Variants in KIN observed in about 807,000 individuals in gnomAD.
The protein encoded by KIN is Kin17 DNA and RNA binding protein, also known as DNA/RNA-binding protein KIN17.
A neutral mutation model predicts 63.0 loss-of-function variants in KIN; 47 were observed. The ratio of observed to expected loss-of-function variants is 0.75; its 90% CI spans 0.59 to 0.95. KIN has a LOEUF of 0.95. Among genes scored for constraint, KIN ranks in the 40% least tolerant of loss-of-function variants. KIN has a pLI of 0.00. For missense variants in KIN, 408 were observed against 460.9 expected, an observed-to-expected ratio of 0.89 and a Z score of 1.05; for synonymous variants, 160 against 157.7, an observed-to-expected ratio of 1.01 and a Z score of -0.11.
chr10:7,758,270 A>C (rs926811628), intron 12 of KIN, among the ~76,000 whole-genome samples: 2 of 152,102 alleles, frequency 1.3e-5, no homozygotes, highest in Non-Finnish European at 2.9e-5. Context: ...GGGTTTCTCC[A>C]TGTTGGCCGG....
chr10:7,780,081 ATCAG>A lies in KIN; in HGVS notation c.347_350del (p.Thr116IlefsTer26). On this transcript the variant is annotated frameshift_variant, in exon 4 of 13. Transcript: ENST00000379562. LOFTEE classifies it high-confidence loss of function. ...CTTCTCTGCCCAGCCACTTAGTAAA[ATCAG>A]TCAGAGTTTCCCACTGAGTGGCATT... 1.2e-6 allele frequency: 2 copies of A among 1,611,954 alleles called. No individual in the cohort carries two copies. Among genetic ancestry groups the A allele is most frequent in the Non-Finnish European group, 8.5e-7 (1 of 1,179,188 alleles).
chr10:7,780,306 C>G lies in KIN; in HGVS notation c.211G>C (p.Glu71Gln). Residue 71 changes from glutamate to glutamine, a missense_variant and splice_region_variant, in exon 3 of 13, where the codon GAA (glutamate) becomes CAA (glutamine). Coordinates refer to ENST00000379562, the MANE Select transcript of KIN (RefSeq NM_012311.4). ...AGTTCTAGAAAGTCATTTCGGAATT[C>G]CCTAATAAAGAAAGAAAGGAAAGCA... ...PQQFMDYFSE[E>Q]FRNDFLELLR... is the part of the protein sequence containing the mutation. The G allele has an allele frequency of 6.2e-7, 1 of 1,601,934 alleles. No homozygotes were observed. Among genetic ancestry groups the G allele is most frequent in the Non-Finnish European group, 8.5e-7 (1 of 1,175,184 alleles).
At chr10:7,773,768 A>G (rs1414161543) in intron 7 of KIN, among the ~76,000 whole-genome samples, 3 of 152,230 alleles carry the variant, frequency 2.0e-5, no homozygotes, top group Non-Finnish European at 4.4e-5. Context: ...TAAGTAAAAT[A>G]GAAAATATCA....
intron 1 of KIN, among the ~76,000 whole-genome samples, chr10:7,787,261 T>C (rs1836038823): frequency 6.6e-6 from 1 of 152,246 alleles, no homozygotes; most frequent in Admixed American, 6.5e-5. Flanking sequence ...TAAGTGGCCC[T>C]GCTTGACTTT....
chr10:7,775,192 C>G (rs1057070536), intron 6 of KIN, among the ~76,000 whole-genome samples: 1 of 152,206 alleles, frequency 6.6e-6, no homozygotes, highest in African/African-American at 2.4e-5. Context: ...CGCCTCTTGC[C>G]TGTGGCTCAG....
rs546963893 is a variant in KIN at position 7,753,742 on chromosome 10, A to G, written c.*2338T>C. 1 of 174,614 alleles carries G rather than the reference A, an allele frequency of 5.7e-6. No homozygotes were observed. The highest frequency in any genetic ancestry group is 1.7e-4 in the East Asian group (1 of 5,824). 10.8% of individuals were successfully genotyped at this position (174,614 alleles called of 1,614,324 possible). A position where few individuals can be genotyped will look rare whatever the true frequency, so the allele number is the denominator to read the frequency against. On this transcript the variant is annotated 3_prime_UTR_variant, in exon 13 of 13. Transcript: ENST00000379562. ...CACACCCAAAACCCAGTTGCTTTCCATAATGTGCTGTCAGGTTACTTTGGA... is the reference window on the plus strand; with the variant it reads ...CACACCCAAAACCCAGTTGCTTTCCGTAATGTGCTGTCAGGTTACTTTGGA...
At position 7,766,317 on chromosome 10, in the gene KIN, A is replaced by G. The variant is rs185806748; in HGVS notation, c.799-214T>C. The G allele has an allele frequency of 3.6e-4, 154 of 432,402 alleles. 1 individual carries two copies. The highest frequency in any genetic ancestry group is 7.7e-4 in the South Asian group (20 of 25,816). 26.8% of individuals were successfully genotyped at this position (432,402 alleles called of 1,614,324 possible). A position where few individuals can be genotyped will look rare whatever the true frequency, so the allele number is the denominator to read the frequency against. On this transcript the variant is annotated intron_variant, in intron 8 of 12. Coordinates refer to ENST00000379562, the MANE Select transcript of KIN (RefSeq NM_012311.4). The stretch of plus-strand genomic sequence containing the variant: ...AAACTTCAGTTTTTAAAAGTATATA[A>G]TAAAGCAAGTCAACTGACCTAGGAA...
intron 1 of KIN, among the ~76,000 whole-genome samples, chr10:7,785,358 C>G (rs1835980133): frequency 1.3e-5 from 2 of 151,904 alleles, no homozygotes; most frequent in African/African-American, 4.8e-5. Context: ...TTTAATCTAA[C>G]CCAATCAAAG....
chr10:7,762,905 TA>T (rs989302157), intron 10 of KIN, among the ~76,000 whole-genome samples: 25 of 152,126 alleles, frequency 1.6e-4, no homozygotes, highest in African/African-American at 6.0e-4. Context: ...AGAATAAAAC[TA>T]AATTTAGGAA....
intron 12 of KIN, among the ~76,000 whole-genome samples, chr10:7,757,507 TAATAA>T (rs1191658685): frequency 6.6e-6 from 1 of 151,506 alleles, no homozygotes; most frequent in Admixed American, 6.6e-5. Flanking sequence ...TGAAAATAAA[TAATAA>T]AATAAAATAA....
chr10:7,787,947 G>T lies in KIN; in HGVS notation c.-14C>A. 1 of 1,590,304 alleles carries T rather than the reference G, an allele frequency of 6.3e-7. No individual in the cohort carries two copies. Among genetic ancestry groups the T allele is most frequent in the Non-Finnish European group, 8.6e-7 (1 of 1,158,306 alleles). On this transcript the variant is annotated 5_prime_UTR_variant, in exon 1 of 13. The change creates a new upstream start codon in the 5' untranslated region. Transcript: ENST00000379562. ...CGACTTCCCCATGGCGACCACGGCA[G>T]CGATCACTTTCTGGACCCCAGTACT...
At position 7,759,945 on chromosome 10, in the gene KIN, C is replaced by T. The variant is rs745379380; in HGVS notation, c.1064G>A (p.Gly355Asp). ...VLNGGYRGNEGTLESINEKTF... is the reference protein window; with the variant it reads ...VLNGGYRGNEDTLESINEKTF... ...CTTCTCATTGATGGATTCTAGGGTA[C>T]CTTCATTTCCTCTGTAGCCTCCATT... Residue 355 changes from glycine (G) to aspartate (D), a missense_variant, in exon 12 of 13, where the codon GGT (glycine) becomes GAT (aspartate). This residue lies in a region of KIN where 298 missense variants were observed against 296.0 expected (regional missense o/e 1.01). Coordinates refer to ENST00000379562, the MANE Select transcript of KIN (RefSeq NM_012311.4). The T allele has an allele frequency of 1.3e-6, 2 of 1,565,564 alleles. No individual in the cohort carries two copies. Among genetic ancestry groups the T allele is most frequent in the Non-Finnish European group, 1.7e-6 (2 of 1,153,760 alleles).
rs115797741 is a variant in KIN at position 7,753,479 on chromosome 10, G to C, written c.*2601C>G. 384 of 152,246 alleles carry C rather than the reference G, an allele frequency of 2.5e-3. 2 individuals are homozygous for C. Among genetic ancestry groups the C allele is most frequent in the Middle Eastern group, 0.014 (4 of 294 alleles). 9.4% of individuals were successfully genotyped at this position (152,246 alleles called of 1,614,324 possible). A position where few individuals can be genotyped will look rare whatever the true frequency, so the allele number is the denominator to read the frequency against. Reference sequence around the variant, plus strand: ...TCAGACCAGATTCTTAGTAGTCCAGGCTCAACTTCTTGGCTTCATTTCTGG... The same window carrying C: ...TCAGACCAGATTCTTAGTAGTCCAGCCTCAACTTCTTGGCTTCATTTCTGG... On this transcript the variant is annotated 3_prime_UTR_variant, in exon 13 of 13. Transcript: ENST00000379562.
intron 2 of KIN, among the ~76,000 whole-genome samples, chr10:7,781,936 T>A (rs550788616): frequency 2.6e-5 from 4 of 152,182 alleles, no homozygotes; most frequent in Non-Finnish European, 5.9e-5. Context: ...CGCATGCCTG[T>A]AATCCCAGCT....
intron 7 of KIN, among the ~76,000 whole-genome samples, chr10:7,773,121 GC>G (rs1322744596): frequency 6.6e-6 from 1 of 152,182 alleles, no homozygotes; most frequent in Non-Finnish European, 1.5e-5. Context: ...GCCAAGTAAC[GC>G]CTGCGGCCAA....
At chr10:7,765,146 C>T (rs1273127469) in intron 9 of KIN, among the ~76,000 whole-genome samples, 2 of 88,824 alleles carry the variant, frequency 2.3e-5, no homozygotes, top group Non-Finnish European at 4.3e-5. Flanking sequence ...GCAATGAGAG[C>T]AAAACTCCAT....
rs1395792772 is a variant in KIN, at chr10:7,754,349, A to T, written c.*1731T>A. The T allele has an allele frequency of 3.7e-6, 1 of 267,570 alleles. No homozygotes were observed. Among genetic ancestry groups the T allele is most frequent in the Non-Finnish European group, 7.5e-6 (1 of 132,862 alleles). The allele number at this position is 267,570 out of a possible 1,614,324, so 16.6% of individuals were successfully genotyped here. ...GACCCTATCTCAAAAAACAGAACAA[A>T]AAAAAAGAGGCGTAGTGGCTCATGC... On this transcript the variant is annotated 3_prime_UTR_variant, in exon 13 of 13. Transcript: ENST00000379562.
At chr10:7,771,084 A>G (rs1388701139) in intron 7 of KIN, among the ~76,000 whole-genome samples, 1 of 152,202 alleles carries the variant, frequency 6.6e-6, no homozygotes, top group African/African-American at 2.4e-5. Context: ...TACTGAATGC[A>G]TTGCCCAGGG....
chr10:7,757,791 C>T (rs1393033074), intron 12 of KIN, among the ~76,000 whole-genome samples: 1 of 151,920 alleles, frequency 6.6e-6, no homozygotes, highest in African/African-American at 2.4e-5. Flanking sequence ...CTGATAAGTA[C>T]CATAAATCTG....
Sources: gnomAD v4.1 joint callset for allele counts (sites outside exome capture counted in the v4.1 genomes callset) on GRCh38, gnomAD v4.1.1 for gene constraint, gnomAD v4.1.1 regional missense constraint, MANE v1.5 for transcripts, NCBI Gene and HGNC (gene_info 2026-07-23, HGNC 2026-07-21) for gene names.